Variants in ANKRD26 observed in about 807,000 individuals in gnomAD.
ANKRD26 encodes the protein ankyrin repeat domain-containing protein 26.
A neutral mutation model predicts 208.7 loss-of-function variants in ANKRD26; 141 were observed. The ratio of observed to expected loss-of-function variants is 0.68; its 90% CI spans 0.59 to 0.78. The LOEUF (loss-of-function observed/expected upper bound fraction) is 0.78. ANKRD26 is among the 30% of genes least tolerant of loss of function. ANKRD26 has a pLI of 0.00. For synonymous variants in ANKRD26, 636 were observed against 660.4 expected (o/e 0.96, Z 0.57); for missense variants, 1,889 against 1,938.7 (o/e 0.97, Z 0.48).
intron 21 of ANKRD26, among the ~76,000 whole-genome samples, 182 bp downstream of exon 21, chr10:27,039,783 T>A (rs1012044691): frequency 6.6e-6 from 1 of 152,188 alleles, no homozygotes; most frequent in African/African-American, 2.4e-5. Context: ...TTTAAAAGAA[T>A]ATATATTTAG....
chr10:27,029,458 C>T (rs1373380125), intron 25 of ANKRD26, 102 bp from the exon 26 acceptor site: 14 of 1,046,436 alleles, frequency 1.3e-5, no homozygotes, highest in Middle Eastern at 2.4e-4. Context: ...CAGTCATACC[C>T]CTTCAATATG....
chr10:27,096,163 A>T (rs964360782), intron 1 of ANKRD26, among the ~76,000 whole-genome samples: 4 of 152,190 alleles, frequency 2.6e-5, no homozygotes, highest in African/African-American at 9.7e-5. Context: ...CTGCTTCCAG[A>T]AGTGCAGGAG....
At chr10:27,057,056 C>T (rs1304198160) in intron 15 of ANKRD26, among the ~76,000 whole-genome samples, 1 of 152,138 alleles carries the variant, frequency 6.6e-6, no homozygotes, top group East Asian at 1.9e-4. Flanking sequence ...TTTTCAAAGT[C>T]CCAGGTCTTT....
In ANKRD26 at chr10:26,977,964, A is replaced by C. The variant is rs547754202; in HGVS notation, c.*282-1922T>G. Among the ~76,000 whole-genome samples, 7 of 152,306 alleles carry C rather than the reference A, an allele frequency of 4.6e-5. 1 individual carries two copies. In the East Asian group the frequency reaches 1.4e-3, roughly 29 times the overall value. On this transcript the variant is annotated intron_variant and NMD_transcript_variant, in intron 5 of 5. Coordinates refer to the ANKRD26 transcript ENST00000674670. ...ACAACAACAAAAAAAACAGGCTCCCAAATTCCCCAGGAATAAAGCTTTGAA... is the reference window on the plus strand; with the variant it reads ...ACAACAACAAAAAAAACAGGCTCCCCAATTCCCCAGGAATAAAGCTTTGAA...
intron 1 of ANKRD26, 89 bp from the exon 2 acceptor site, chr10:27,093,888 G>T: frequency 9.2e-7 from 1 of 1,081,770 alleles, no homozygotes; most frequent in Non-Finnish European, 1.4e-6. Flanking sequence ...TAAATAGCAT[G>T]TTGATATGGT....
At chr10:27,047,166 AT>A (rs1306851315) in intron 17 of ANKRD26, among the ~76,000 whole-genome samples, 6 of 152,172 alleles carry the variant, frequency 3.9e-5, no homozygotes, top group African/African-American at 9.7e-5. Context: ...AATGAAGTTT[AT>A]TTTAAATGAA....
rs2054021921 is a variant in ANKRD26, at chr10:27,035,738, A to G, written c.2712T>C (p.His904=). The G allele has an allele frequency of 6.2e-7, 1 of 1,606,220 alleles. No homozygotes were observed. Among genetic ancestry groups the G allele is most frequent in the Non-Finnish European group, 8.5e-7 (1 of 1,175,372 alleles). The change falls in exon 24 of 34, where the codon CAT becomes CAC. Residue 904 remains histidine, a synonymous_variant. Transcript: ENST00000376087. The part of the protein sequence containing the change: ...KKMNSENSHS[H]EEEKDLSHKN... The stretch of plus-strand genomic sequence containing the variant: ...TATGCGATAGGTCTTTTTCTTCTTC[A>G]TGACTATGAGAATTCTAAGTAAAAC...
At chr10:26,948,433 A>G in the ANKRD26 span, among the ~76,000 whole-genome samples, 1 of 152,240 alleles carries the variant, frequency 6.6e-6, no homozygotes, top group Non-Finnish European at 1.5e-5. Context: ...CATTCGGGAA[A>G]AATAATTAAA....
At chr10:27,059,894 CAAAACAA>C (rs1479608097) in intron 15 of ANKRD26, among the ~76,000 whole-genome samples, 18 of 137,080 alleles carry the variant, frequency 1.3e-4, no homozygotes, top group Admixed American at 5.3e-4. Context: ...GACTCTGTAT[CAAAACAA>C]AAAACAAAAA....
chr10:27,082,700 A>C, intron 6 of ANKRD26, 103 bp downstream of exon 6: 1 of 1,450,776 alleles, frequency 6.9e-7, no homozygotes, highest in Non-Finnish European at 9.2e-7. Context: ...GGACGACTAT[A>C]TGGAGAAGCA....
At position 27,060,377 on chromosome 10, in the gene ANKRD26, C is replaced by T. The variant is rs771735798; in HGVS notation, c.1532G>A (p.Gly511Glu). ...GGATGTTTGTACATCCTTCATTCCTCCTGCTTTATTTGGAACAGAATCTTT... is the reference window on the plus strand; with the variant it reads ...GGATGTTTGTACATCCTTCATTCCTTCTGCTTTATTTGGAACAGAATCTTT... ...EMKDSVPNKA[G>E]GMKDVQTSKA... The change falls in exon 15 of 34, where the codon GGA becomes GAA. Residue 511 changes from glycine to glutamate, a missense_variant. Transcript: ENST00000376087. 2 of 1,612,908 alleles carry T rather than the reference C, an allele frequency of 1.2e-6. No homozygotes were observed. The highest frequency in any genetic ancestry group is 1.7e-6 in the Non-Finnish European group (2 of 1,179,126).
intron 7 of ANKRD26, among the ~76,000 whole-genome samples, 182 bp downstream of exon 7, chr10:27,078,907 A>C (rs1359591407): frequency 6.8e-6 from 1 of 147,660 alleles, no homozygotes; most frequent in East Asian, 2.3e-4. Context: ...TTATTTACCA[A>C]AGTAAAAAAA....
At chr10:26,998,371 G>A (rs571868050) in intron 4 of ANKRD26, among the ~76,000 whole-genome samples, 10 of 152,130 alleles carry the variant, frequency 6.6e-5, no homozygotes, top group Admixed American at 2.0e-4. Flanking sequence ...GAAGGTGCTC[G>A]CTCCCAGGCA....
At chr10:27,060,324 A>C (rs2055007953) in intron 15 of ANKRD26, 21 bp downstream of exon 15, 1 of 1,552,510 alleles carries the variant, frequency 6.4e-7, no homozygotes. Context: ...TCCAAGATTA[A>C]ATATATATTG....
chr10:27,013,248 T>A (rs1259262177), intron 31 of ANKRD26, 138 bp from the exon 32 acceptor site: 2 of 741,678 alleles, frequency 2.7e-6, no homozygotes, highest in Non-Finnish European at 4.7e-6. Flanking sequence ...CTGAAAAATG[T>A]GTCAGACCAT....
chr10:26,998,239 T>A (rs2052639513), intron 4 of ANKRD26, among the ~76,000 whole-genome samples: 1 of 151,786 alleles, frequency 6.6e-6, no homozygotes, highest in Non-Finnish European at 1.5e-5. Context: ...TGCAATACTG[T>A]TGCAAAGTTT....
chr10:26,973,647 T>C (rs1407988858), downstream of ANKRD26, among the ~76,000 whole-genome samples: 2 of 109,526 alleles, frequency 1.8e-5, no homozygotes, highest in African/African-American at 7.5e-5. Context: ...TTTTTATTTG[T>C]CCTTTTTTTT....
chr10:26,983,092 G>C lies in ANKRD26; in HGVS notation c.490-279C>G, dbSNP rs142559379. ...AGCATATCTAACGCCATACAATTTT[G>C]CAGCATGGTTTTTCTTATACGTGAG... On this transcript the variant is annotated intron_variant and NMD_transcript_variant, in intron 3 of 5. Coordinates refer to the ANKRD26 transcript ENST00000674670. Among the ~76,000 whole-genome samples the C allele has an allele frequency of 3.0e-3, 454 of 152,244 alleles. 7 individuals carry two copies. The East Asian group carries it at 0.03, about 10-fold the overall frequency.
intron 17 of ANKRD26, 52 bp from the exon 18 acceptor site, chr10:27,046,575 AAAC>A (rs771511834): frequency 2.6e-6 from 4 of 1,553,374 alleles, no homozygotes; most frequent in South Asian, 2.3e-5. Flanking sequence ...AGAAAAAAAG[AAAC>A]AACATGCAGA....
Sources: allele counts gnomAD v4.1 joint callset (sites outside exome capture counted in the v4.1 genomes callset), GRCh38; gene constraint gnomAD v4.1.1; transcripts MANE v1.5; gene names NCBI Gene and HGNC (gene_info 2026-07-23, HGNC 2026-07-21).